The following ADAMTS17 variants were observed in gnomAD, a reference collection of about 807,000 sequenced individuals.
ADAMTS17 encodes A disintegrin and metalloproteinase with thrombospondin motifs 17.
Under a neutral mutation model 141.5 loss-of-function variants are expected in ADAMTS17, and 113 were observed. The observed-to-expected ratio is 0.80, with a 90% CI of 0.69 to 0.93. The LOEUF (loss-of-function observed/expected upper bound fraction) is 0.93. ADAMTS17 is among the 40% of genes least tolerant of loss of function. The pLI is 0.00. For synonymous variants in ADAMTS17, 768 were observed against 630.6 expected (o/e 1.22, Z -3.27); for missense variants, 1,659 against 1,517.9 (o/e 1.09, Z -1.54).
intron 5 of ADAMTS17, 148 bp from the exon 6 acceptor site, chr15:100,261,784 T>C: frequency 1.1e-6 from 1 of 876,848 alleles, no homozygotes; most frequent in Non-Finnish European, 1.8e-6. Flanking sequence ...AGCCTGATGC[T>C]AGTGGGTACG....
intron 7 of ADAMTS17, among the ~76,000 whole-genome samples, chr15:100,214,850 CTA>C (rs1388728198): frequency 6.6e-6 from 1 of 152,242 alleles, no homozygotes; most frequent in Non-Finnish European, 1.5e-5. Flanking sequence ...TCGATTATCA[CTA>C]TGAGCACAAC....
At chr15:100,011,015 C>T (rs566583732) in intron 18 of ADAMTS17, among the ~76,000 whole-genome samples, 20 of 152,046 alleles carry the variant, frequency 1.3e-4, no homozygotes, top group South Asian at 1.0e-3. Context: ...CTCCGGAAGC[C>T]GGCGGTTCTA....
At chr15:100,118,130 G>C (rs184442689) in intron 12 of ADAMTS17, among the ~76,000 whole-genome samples, 8 of 152,366 alleles carry the variant, frequency 5.3e-5, no homozygotes, top group Non-Finnish European at 1.0e-4. Flanking sequence ...ACATGTTTCT[G>C]TGAAGGGCCA....
intron 18 of ADAMTS17, among the ~76,000 whole-genome samples, chr15:100,024,833 AAT>A (rs1426562209): frequency 1.3e-5 from 2 of 152,200 alleles, no homozygotes; most frequent in African/African-American, 4.8e-5. Flanking sequence ...CCTGCCGGTC[AAT>A]GTTTCCTTAG....
intron 8 of ADAMTS17, among the ~76,000 whole-genome samples, chr15:100,189,882 C>T (rs2040855238): frequency 6.6e-6 from 1 of 152,220 alleles, no homozygotes; most frequent in Non-Finnish European, 1.5e-5. Context: ...ACACCCAGCA[C>T]CACAGGGCCC....
chr15:100,124,128 T>G (rs2037596478), intron 12 of ADAMTS17, among the ~76,000 whole-genome samples: 1 of 152,098 alleles, frequency 6.6e-6, no homozygotes, highest in Non-Finnish European at 1.5e-5. Context: ...CATGCCCGGC[T>G]AATTTTTTTG....
In ADAMTS17 at chr15:100,110,219, T is replaced by A. The variant is rs545108994; in HGVS notation, c.1889-1103A>T. On this transcript the variant is annotated intron_variant, in intron 13 of 21. Transcript: ENST00000268070. Reference sequence around the variant, plus strand: ...TATATATATATCAGTATATATATATTTTTATATATTTATATAAATATATAT... The same window carrying A: ...TATATATATATCAGTATATATATATATTTATATATTTATATAAATATATAT... Among the ~76,000 whole-genome samples the A allele has an allele frequency of 3.1e-3, 400 of 129,788 alleles. 1 individual carries two copies. The East Asian group carries it at 0.037, about 12-fold the overall frequency. The allele number at this position is 129,788 out of a possible 152,430, so 85.1% of individuals were successfully genotyped here. A position where few individuals can be genotyped will look rare whatever the true frequency, so the allele number is the denominator to read the frequency against.
At chr15:99,983,643 G>A (rs1481442954) in intron 20 of ADAMTS17, among the ~76,000 whole-genome samples, 3 of 152,206 alleles carry the variant, frequency 2.0e-5, no homozygotes, top group African/African-American at 7.2e-5. Context: ...TCTGCTTCCT[G>A]CAGAGTGGCC....
At chr15:100,215,292 A>G (rs1033412584) in intron 7 of ADAMTS17, among the ~76,000 whole-genome samples, 3 of 152,144 alleles carry the variant, frequency 2.0e-5, no homozygotes, top group African/African-American at 7.2e-5. Context: ...TGAGCTGACG[A>G]TTTTCCTGGA....
At chr15:100,279,160 C>T (rs1376099080) in intron 4 of ADAMTS17, among the ~76,000 whole-genome samples, 1 of 152,196 alleles carries the variant, frequency 6.6e-6, no homozygotes. Flanking sequence ...AGCAACATAA[C>T]ATCCACACAT....
In ADAMTS17 at chr15:100,238,422, G is replaced by A. The variant is rs561862153; in HGVS notation, c.1075+15714C>T. 2.6e-5 allele frequency among the ~76,000 whole-genome samples: 4 copies of A among 152,336 alleles called. 1 individual carries two copies. The highest frequency in any genetic ancestry group is 2.6e-4 in the Admixed American group (4 of 15,310). On this transcript the variant is annotated intron_variant, in intron 7 of 21. Transcript: ENST00000268070. ...TTGTTTGGTGCCTTGAGTGTCCCCA[G>A]GGCTGGAGCCGGGCCTGGCACACAG...
At chr15:99,974,626 A>G (rs1202164956) in intron 21 of ADAMTS17, 64 bp from the exon 22 acceptor site, 1 of 1,602,358 alleles carries the variant, frequency 6.2e-7, no homozygotes, top group Non-Finnish European at 8.5e-7. Context: ...TGATGCAGGC[A>G]CAGGGAGGGC....
Position 99,976,267 on chromosome 15 carries a change from G to A in ADAMTS17, c.2950-45C>T, listed in dbSNP as rs11634977. The A allele has an allele frequency of 0.64, 965,786 of 1,512,470 alleles. 315,475 individuals carry two copies. Among genetic ancestry groups the A allele is most frequent in the Non-Finnish European group, 0.67 (749,070 of 1,125,880 alleles). The allele number at this position is 1,512,470 out of a possible 1,614,324, so 93.7% of individuals were successfully genotyped here. On this transcript the variant is annotated intron_variant, in intron 20 of 21. Coordinates refer to ENST00000268070, the MANE Select transcript of ADAMTS17 (RefSeq NM_139057.4). ...TGAGTGGGGCTGACATGAGGTCAAG[G>A]GACTGGGATGATGGCCTCACAATGT... is the stretch of plus-strand genomic sequence containing the variant.
rs184651219 is a variant in ADAMTS17 at position 100,261,814 on chromosome 15, C to T, written c.874-178G>A. On this transcript the variant is annotated intron_variant, in intron 5 of 21. Transcript: ENST00000268070. ...GGTACGTGGCATAGATCCAGAGAGA[C>T]CATCAGGGGCCTTACATATAGGTGC... Among the ~76,000 whole-genome samples, 287 of 152,226 alleles carry T rather than the reference C, an allele frequency of 1.9e-3. 2 individuals carry two copies. Among genetic ancestry groups the T allele is most frequent in the African/African-American group, 6.5e-3 (269 of 41,526 alleles).
chr15:100,068,659 C>T (rs1489924110), intron 15 of ADAMTS17, among the ~76,000 whole-genome samples: 1 of 152,196 alleles, frequency 6.6e-6, no homozygotes, highest in Non-Finnish European at 1.5e-5. Context: ...AGTGGACCTC[C>T]AGCAAAATCC....
At position 100,132,042 on chromosome 15, in the gene ADAMTS17, T is replaced by TCC. The variant is rs1203972282; in HGVS notation, c.1684_1685dup (p.Ala563GlufsTer26). Reference sequence around the variant, plus strand: ...CACATTTCCTCTGCCTGAAGCGGGCTCCCGTCCCACATGTTCGGCTGCACA... The same window carrying TCC: ...CACATTTCCTCTGCCTGAAGCGGGCTCCCCCGTCCCACATGTTCGGCTGCACA... On this transcript the variant is annotated frameshift_variant, in exon 12 of 22. Transcript: ENST00000268070. LOFTEE classifies it high-confidence loss of function. 1 of 1,613,762 alleles carries TCC rather than the reference T, an allele frequency of 6.2e-7. No homozygotes were observed. Among genetic ancestry groups the TCC allele is most frequent in the Non-Finnish European group, 8.5e-7 (1 of 1,179,814 alleles).
rs558116523 is a variant in ADAMTS17 at position 100,063,796 on chromosome 15, C to G, written c.2138-9742G>C. 1.3e-5 allele frequency: 17 copies of G among 1,266,316 alleles called. No homozygotes were observed. In the East Asian group the frequency reaches 7.8e-4, roughly 58 times the overall value. The allele number at this position is 1,266,316 out of a possible 1,614,324, so 78.4% of individuals were successfully genotyped here. A position where few individuals can be genotyped will look rare whatever the true frequency, so the allele number is the denominator to read the frequency against. ...AACGACACAGAAGTAAACCACACCT[C>G]CACCCTGCACCAGAGGCCGTGCAGC... On this transcript the variant is annotated intron_variant, in intron 15 of 21. Coordinates refer to ENST00000268070, the MANE Select transcript of ADAMTS17 (RefSeq NM_139057.4).
At chr15:100,073,849 G>T (rs2034170720) in intron 15 of ADAMTS17, among the ~76,000 whole-genome samples, 1 of 151,808 alleles carries the variant, frequency 6.6e-6, no homozygotes, top group Admixed American at 6.6e-5. Flanking sequence ...CACCAACATG[G>T]CACATGTATA....
chr15:100,247,253 G>T (rs987040813), intron 7 of ADAMTS17, among the ~76,000 whole-genome samples: 1 of 151,734 alleles, frequency 6.6e-6, no homozygotes, highest in Non-Finnish European at 1.5e-5. Flanking sequence ...CAGCTTACAA[G>T]GAATAACAAT....
Sources: gnomAD v4.1 joint callset for allele counts (sites outside exome capture counted in the v4.1 genomes callset) on GRCh38, gnomAD v4.1.1 for gene constraint, MANE v1.5 for transcripts, NCBI Gene and HGNC (gene_info 2026-07-23, HGNC 2026-07-21) for gene names.